PAH: variants seen among roughly 807,000 people sequenced by gnomAD.
PAH encodes phenylalanine-4-hydroxylase.
PAH carries 64 observed loss-of-function variants against 62.0 expected under a neutral mutation model. The observed-to-expected ratio is 1.03, with a 90% confidence interval of 0.84 to 1.27. The LOEUF (loss-of-function observed/expected upper bound fraction) is 1.27, where lower values mean the gene tolerates loss of function less well. PAH is among the 50% of genes most tolerant of loss of function. The pLI, the probability that PAH is intolerant of heterozygous loss-of-function variation, is 0.00. For synonymous variants in PAH, 195 were observed against 196.2 expected (o/e 0.99, Z 0.05); for missense variants, 579 against 542.8 (o/e 1.07, Z -0.66).
intron 5 of PAH, among the ~76,000 whole-genome samples, chr12:102,861,034 A>G (rs555459806): frequency 3.3e-5 from 5 of 152,378 alleles, no homozygotes; most frequent in Non-Finnish European, 7.3e-5. Flanking sequence ...AACTACCATC[A>G]GAGTGAACAG....
chr12:102,851,283 T>A (rs2136644430), intron 8 of PAH, among the ~76,000 whole-genome samples: 1 of 152,212 alleles, frequency 6.6e-6, no homozygotes, highest in Non-Finnish European at 1.5e-5. Flanking sequence ...GTCACCTCAC[T>A]TAATTCAAGC....
At chr12:102,876,286 C>T (rs1250387945) in intron 4 of PAH, among the ~76,000 whole-genome samples, 1 of 152,190 alleles carries the variant, frequency 6.6e-6, no homozygotes, top group Non-Finnish European at 1.5e-5. Context: ...GGCCAGCTTG[C>T]CCCTGAAATA....
intron 2 of PAH, among the ~76,000 whole-genome samples, chr12:102,912,438 CAT>C (rs1478875439): frequency 2.6e-5 from 4 of 152,052 alleles, no homozygotes; most frequent in South Asian, 2.1e-4. Context: ...ACATGTGACA[CAT>C]GTGATTACAT....
chr12:102,838,096 C>T lies in PAH; in HGVS notation c.*1079G>A, dbSNP rs1163493317. On this transcript the variant is annotated 3_prime_UTR_variant, in exon 13 of 13. Coordinates refer to ENST00000553106, the MANE Select transcript of PAH (RefSeq NM_000277.3). The stretch of plus-strand genomic sequence containing the variant: ...TACAAAGATATTGTTTTTTTTCTCC[C>T]CACTGCTTCTCAGATATTCATGTTT... 1.3e-5 allele frequency: 2 copies of T among 151,976 alleles called. No homozygotes were observed. Among genetic ancestry groups the T allele is most frequent in the Non-Finnish European group, 2.9e-5 (2 of 67,962 alleles). 9.4% of individuals were successfully genotyped at this position (151,976 alleles called of 1,614,324 possible).
chr12:102,950,326 C>G (rs1879693198), intron 1 of PAH: 1 of 152,340 alleles, frequency 6.6e-6, no homozygotes, highest in Non-Finnish European at 1.5e-5. Context: ...ACTAGCTGAC[C>G]TGGGGCGCAC....
At chr12:102,886,194 G>C (rs1012042617) in intron 3 of PAH, 14 of 152,216 alleles carry the variant, frequency 9.2e-5, no homozygotes, top group African/African-American at 3.4e-4. Flanking sequence ...GGAGACAGCA[G>C]TGGTCAGAAG....
chr12:102,902,083 T>A, intron 2 of PAH, among the ~76,000 whole-genome samples: 1 of 152,130 alleles, frequency 6.6e-6, no homozygotes, highest in East Asian at 1.9e-4. Context: ...TTTTAAACAA[T>A]GCAGCCACGA....
At chr12:102,847,832 G>T (rs553292351) in intron 8 of PAH, among the ~76,000 whole-genome samples, 4 of 152,254 alleles carry the variant, frequency 2.6e-5, no homozygotes, top group East Asian at 1.9e-4. Flanking sequence ...ACTGACTTCT[G>T]AGGGAAGCAC....
At chr12:102,953,609 C>A (rs1486791622), upstream of PAH, 2 of 152,198 alleles carry the variant, frequency 1.3e-5, no homozygotes, top group East Asian at 3.9e-4. Flanking sequence ...GATCCTGATG[C>A]TGAATGAAGA....
At chr12:102,898,149 G>A (rs1205447715) in intron 2 of PAH, among the ~76,000 whole-genome samples, 2 of 152,214 alleles carry the variant, frequency 1.3e-5, no homozygotes, top group Admixed American at 6.5e-5. Context: ...TCCCACATTC[G>A]TGCAAAGAGC....
intron 3 of PAH, among the ~76,000 whole-genome samples, chr12:102,890,539 G>A (rs1212225294): frequency 6.6e-6 from 1 of 152,210 alleles, no homozygotes; most frequent in East Asian, 1.9e-4. Flanking sequence ...GTAAGGTCAG[G>A]TGGGGGCAGC....
At chr12:102,936,835 C>T (rs963852414) in intron 1 of PAH, among the ~76,000 whole-genome samples, 2 of 152,076 alleles carry the variant, frequency 1.3e-5, no homozygotes, top group African/African-American at 4.8e-5. Context: ...TCCATTTAGA[C>T]AGCCTATGTC....
chr12:102,869,803 C>A (rs10778203), intron 4 of PAH, among the ~76,000 whole-genome samples: 2,591 of 152,086 alleles, frequency 0.017, 93 homozygotes, highest in African/African-American at 0.059. Flanking sequence ...GGCTACCAGA[C>A]GACCACAGGG....
intron 1 of PAH, among the ~76,000 whole-genome samples, chr12:102,924,028 G>A (rs1878621528): frequency 1.3e-5 from 2 of 152,172 alleles, no homozygotes. Context: ...AAATCCAGAG[G>A]ACGTAGGCCA....
chr12:102,911,879 G>A (rs1878213906), intron 2 of PAH, among the ~76,000 whole-genome samples: 1 of 152,168 alleles, frequency 6.6e-6, no homozygotes, highest in Admixed American at 6.5e-5. Flanking sequence ...AGCTAGAGAG[G>A]TCACAGGAAT....
chr12:102,868,095 T>C lies in PAH; in HGVS notation c.442-1432A>G, dbSNP rs1343377919. The stretch of plus-strand genomic sequence containing the variant: ...ATACATATATGTGTGTGTGTATATA[T>C]ATATATATACACATATATATACATA... On this transcript the variant is annotated intron_variant, in intron 4 of 12. Coordinates refer to ENST00000553106, the MANE Select transcript of PAH (RefSeq NM_000277.3). 2.5e-3 allele frequency among the ~76,000 whole-genome samples: 92 copies of C among 37,342 alleles called. 8 individuals are homozygous for C. Among genetic ancestry groups the C allele is most frequent in the African/African-American group, 9.0e-3 (56 of 6,252 alleles). 24.5% of individuals were successfully genotyped at this position (37,342 alleles called of 152,430 possible).
rs140197452 is a variant in PAH, at chr12:102,849,999, C to T, written c.912+1688G>A. ...ACTGTCCACTCTTCTGTGGGGTTCC[C>T]CAAAGTGGAAATGGCTTAAGGAGGA... On this transcript the variant is annotated intron_variant, in intron 8 of 12. Coordinates refer to ENST00000553106, the MANE Select transcript of PAH (RefSeq NM_000277.3). 4.0e-3 allele frequency among the ~76,000 whole-genome samples: 615 copies of T among 152,246 alleles called. 4 individuals are homozygous for T. The highest frequency in any genetic ancestry group is 0.014 in the African/African-American group (576 of 41,544).
At chr12:102,948,785 C>T (rs2136773272) in intron 1 of PAH, among the ~76,000 whole-genome samples, 1 of 152,230 alleles carries the variant, frequency 6.6e-6, no homozygotes, top group South Asian at 2.1e-4. Context: ...AGGTAGCTTG[C>T]TAAAAGAGCC....
chr12:102,865,008 A>T (rs1419493004), intron 5 of PAH, among the ~76,000 whole-genome samples: 1 of 152,176 alleles, frequency 6.6e-6, no homozygotes, highest in African/African-American at 2.4e-5. Flanking sequence ...ATCATGTGGG[A>T]TTCATCTATA....
Sources: gnomAD v4.1 joint callset for allele counts (sites outside exome capture counted in the v4.1 genomes callset) on GRCh38, gnomAD v4.1.1 for gene constraint, MANE v1.5 for transcripts, NCBI Gene and HGNC (gene_info 2026-07-23, HGNC 2026-07-21) for gene names.